The following NBPF8 variants were observed in gnomAD, a reference collection of about 807,000 sequenced individuals.
The protein encoded by NBPF8 is NBPF family member NBPF8.
intron 1 of NBPF8, among the ~76,000 whole-genome samples, chr1:120,424,089 TG>T (rs1660643650): frequency 6.6e-6 from 1 of 152,350 alleles, no homozygotes; most frequent in Admixed American, 6.5e-5. Flanking sequence ...TGAACCTGTT[TG>T]TAGTCATTTC....
chr1:120,425,125 CTCG>C (rs1324523549), intron 1 of NBPF8, among the ~76,000 whole-genome samples: 1 of 151,792 alleles, frequency 6.6e-6, no homozygotes, highest in African/African-American at 2.4e-5. Context: ...GAAATACAGC[CTCG>C]TGGGAAGGGA....
At chr1:120,419,594 G>T (rs1269238566), upstream of NBPF8, among the ~76,000 whole-genome samples, 1 of 152,074 alleles carries the variant, frequency 6.6e-6, no homozygotes, top group Admixed American at 6.6e-5. Flanking sequence ...GAGTAGCTGA[G>T]ACTACAAGTG....
chr1:120,465,795 T>C (rs1420566178), intron 24 of NBPF8, among the ~76,000 whole-genome samples, 183 bp from the exon 23 acceptor site: 1 of 152,202 alleles, frequency 6.6e-6, no homozygotes, highest in Middle Eastern at 3.2e-3. Flanking sequence ...TCTGTCTTTC[T>C]CTTTCATTGT....
At chr1:120,415,136 G>T (rs1235480029), upstream of NBPF8, among the ~76,000 whole-genome samples, 2 of 152,186 alleles carry the variant, frequency 1.3e-5, no homozygotes, top group African/African-American at 4.8e-5. Context: ...GAGGCTGCGT[G>T]AGCATCTGAG....
chr1:120,419,491 T>C (rs1309203602), upstream of NBPF8, among the ~76,000 whole-genome samples: 20 of 150,812 alleles, frequency 1.3e-4, no homozygotes, highest in Non-Finnish European at 2.1e-4. Context: ...GGACTCTTTA[T>C]TTTTTTTTCC....
At chr1:120,433,202 A>ATTT (rs2101586621), upstream of NBPF8, 2 of 152,212 alleles carry the variant, frequency 1.3e-5, no homozygotes, top group Non-Finnish European at 2.9e-5. Flanking sequence ...TAGTTTCAAA[A>ATTT]TGTATTTGAA....
chr1:120,431,356 GGGAATATATATATATATATATATA>G (rs1660870928), upstream of NBPF8, among the ~76,000 whole-genome samples: 1 of 26,092 alleles, frequency 3.8e-5, no homozygotes, highest in Non-Finnish European at 6.8e-5. Context: ...TCTCCAAATA[GGGAATATATATATATATATATATA>G]TATATATATA....
upstream of NBPF8, chr1:120,434,122 G>A (rs1331441340): frequency 6.5e-6 from 1 of 152,770 alleles, no homozygotes; most frequent in Non-Finnish European, 1.5e-5. Flanking sequence ...GGCCGCCTGG[G>A]CTGGCGGGTG....
Position 120,451,771 on chromosome 1 carries a change from G to T in NBPF8, n.2075-346G>T, listed in dbSNP as rs1372763108. On this transcript the variant is annotated intron_variant and non_coding_transcript_variant, in intron 12 of 24. Transcript: ENST00000583271. Reference sequence around the variant, plus strand: ...GTACATGGCTTTGTATCTAGTGGCCGCAAGATGCACTATGTGTATTTTCAC... The same window carrying T: ...GTACATGGCTTTGTATCTAGTGGCCTCAAGATGCACTATGTGTATTTTCAC... Among the ~76,000 whole-genome samples the T allele has an allele frequency of 5.4e-5, 8 of 148,126 alleles. No homozygotes were observed. In the East Asian group the frequency reaches 1.6e-3, roughly 29 times the overall value.
chr1:120,450,783 C>A (rs1310849682), intron 11 of NBPF8, among the ~76,000 whole-genome samples: 9 of 152,038 alleles, frequency 5.9e-5, no homozygotes, highest in Admixed American at 2.6e-4. Context: ...ACCATCAGTC[C>A]CATAGTCCTA....
At chr1:120,421,250 G>A (rs1337798952) in intron 1 of NBPF8, among the ~76,000 whole-genome samples, 15 of 152,314 alleles carry the variant, frequency 9.8e-5, no homozygotes, top group South Asian at 4.1e-4. Context: ...ACAGTAGTGC[G>A]TCTGTCTCCA....
intron 18 of NBPF8, among the ~76,000 whole-genome samples, chr1:120,461,018 G>C (rs61807121): frequency 3.6e-4 from 13 of 35,788 alleles, no homozygotes; most frequent in African/African-American, 1.7e-3. Flanking sequence ...AGCTCGAACT[G>C]TGTGTGTGTG....
At chr1:120,452,789 A>G (rs1351561409) in intron 13 of NBPF8, among the ~76,000 whole-genome samples, 1,698 of 152,224 alleles carry the variant, frequency 0.011, 15 homozygotes, top group Non-Finnish European at 0.017. Context: ...AAATGTGGGA[A>G]CACTTACAAC....
chr1:120,422,047 C>T (rs1660591866), intron 1 of NBPF8, among the ~76,000 whole-genome samples: 1 of 151,708 alleles, frequency 6.6e-6, no homozygotes, highest in Non-Finnish European at 1.5e-5. Context: ...TGGTATGGGG[C>T]TGCTGCATCC....
At chr1:120,441,179 ACT>A (rs1661116384) in intron 4 of NBPF8, 97 bp from the exon 8 acceptor site, 1 of 550,642 alleles carries the variant, frequency 1.8e-6, no homozygotes, top group African/African-American at 4.8e-5. Flanking sequence ...TTCTGGAACC[ACT>A]CTCTTAATGC....
At chr1:120,452,723 T>A (rs1661317515) in intron 13 of NBPF8, among the ~76,000 whole-genome samples, 1 of 152,266 alleles carries the variant, frequency 6.6e-6, no homozygotes, top group Non-Finnish European at 1.5e-5. Flanking sequence ...TTGTCCTTCC[T>A]GAGTTTCTCT....
At chr1:120,451,943 G>A (rs1553248879) in intron 12 of NBPF8, among the ~76,000 whole-genome samples, 174 bp from the exon 11 acceptor site, 9 of 152,060 alleles carry the variant, frequency 5.9e-5, no homozygotes, top group East Asian at 1.9e-4. Flanking sequence ...TACAGAGGAA[G>A]CCTGTAAACC....
chr1:120,450,423 T>C (rs1661234364), intron 11 of NBPF8, among the ~76,000 whole-genome samples: 2 of 151,850 alleles, frequency 1.3e-5, no homozygotes, highest in South Asian at 4.2e-4. Context: ...CCATCCAAGT[T>C]GCTTGTCTTG....
downstream of NBPF8, among the ~76,000 whole-genome samples, chr1:120,468,724 G>T (rs1283348866): frequency 0.036 from 5,071 of 140,760 alleles, no homozygotes; most frequent in African/African-American, 0.15. Flanking sequence ...TTCCCCAGTA[G>T]CCAGTGCTCT....
Sources: gnomAD v4.1 joint callset for allele counts (sites outside exome capture counted in the v4.1 genomes callset) on GRCh38, gnomAD v4.1.1 for gene constraint, MANE v1.5 for transcripts, NCBI Gene and HGNC (gene_info 2026-07-23, HGNC 2026-07-21) for gene names.